The following SIPA1L2 variants were observed in gnomAD, a reference collection of about 807,000 sequenced individuals.
SIPA1L2 encodes signal-induced proliferation-associated 1-like protein 2.
Under a neutral mutation model 163.9 loss-of-function variants are expected in SIPA1L2, and 56 were observed. The ratio of observed to expected loss-of-function variants is 0.34; its 90% CI spans 0.28 to 0.43. SIPA1L2 has a LOEUF of 0.43. Ranked by LOEUF, SIPA1L2 falls within the 20% of genes least tolerant of loss-of-function variation. SIPA1L2 has a pLI of 1.00. For synonymous variants in SIPA1L2, 877 were observed against 865.7 expected (o/e 1.01, Z -0.23); for missense variants, 1,974 against 2,193.5 (o/e 0.90, Z 2.00).
chr1:232,411,075 T>C (rs749838306), intron 19 of SIPA1L2, among the ~76,000 whole-genome samples: 4 of 152,358 alleles, frequency 2.6e-5, no homozygotes, highest in East Asian at 3.9e-4. Context: ...AGTGTGTATG[T>C]GCTACAGTGA....
intron 1 of SIPA1L2, among the ~76,000 whole-genome samples, chr1:232,576,756 C>T (rs1660100531): frequency 6.6e-6 from 1 of 152,124 alleles, no homozygotes; most frequent in South Asian, 2.1e-4. Context: ...TCAGTGAACA[C>T]ACAAATGATA....
intron 1 of SIPA1L2, among the ~76,000 whole-genome samples, chr1:232,609,036 T>C (rs1029708528): frequency 1.6e-4 from 24 of 152,256 alleles, no homozygotes; most frequent in Non-Finnish European, 2.2e-4. Flanking sequence ...AATAGTTTGT[T>C]TTCCACAATT....
chr1:232,597,481 T>A (rs1445273304), intron 1 of SIPA1L2, among the ~76,000 whole-genome samples: 18 of 146,668 alleles, frequency 1.2e-4, no homozygotes, highest in East Asian at 4.0e-4. Context: ...ATCGAGACCA[T>A]CCTGGCTAAC....
At position 232,404,843 on chromosome 1, in the gene SIPA1L2, A is replaced by G. The variant is rs12047599; in HGVS notation, c.4763-665T>C. ...TCTATTCCATGATCAATTCACCCTC[A>G]TTCCCTGGAGTCTCTCTGCTTGGTT... is the stretch of plus-strand genomic sequence containing the variant. On this transcript the variant is annotated intron_variant, in intron 19 of 22. Coordinates refer to ENST00000674635, the MANE Select transcript of SIPA1L2 (RefSeq NM_020808.5). Among the ~76,000 whole-genome samples the G allele has an allele frequency of 0.034, 5,218 of 152,188 alleles. 733 individuals are homozygous for G. The East Asian group carries it at 0.48, about 14-fold the overall frequency.
chr1:232,581,916 T>C (rs985133233), intron 1 of SIPA1L2, among the ~76,000 whole-genome samples: 1 of 152,198 alleles, frequency 6.6e-6, no homozygotes, highest in Non-Finnish European at 1.5e-5. Context: ...ACTTCCTAGA[T>C]AGAAAAGTGT....
chr1:232,468,200 T>G (rs1664620057), intron 8 of SIPA1L2, among the ~76,000 whole-genome samples: 2 of 152,338 alleles, frequency 1.3e-5, no homozygotes, highest in South Asian at 4.1e-4. Context: ...ATTCCCATTG[T>G]GTGGAAACGA....
chr1:232,454,216 C>A (rs1663757873), intron 10 of SIPA1L2, among the ~76,000 whole-genome samples: 1 of 152,086 alleles, frequency 6.6e-6, no homozygotes, highest in Non-Finnish European at 1.5e-5. Flanking sequence ...AACAGAGATA[C>A]CCAGAATAGG....
rs567235779 is a variant in SIPA1L2, at chr1:232,468,575, G to A, written c.2243+2796C>T. Among the ~76,000 whole-genome samples, 5 of 152,210 alleles carry A rather than the reference G, an allele frequency of 3.3e-5. No homozygotes were observed. The South Asian group carries it at 1.0e-3, about 32-fold the overall frequency. ...GATGATAGAAAATAATGCATGTAAA[G>A]CTTTTATTACCCAAATTGTTGCTGT... On this transcript the variant is annotated intron_variant, in intron 8 of 22. Coordinates refer to ENST00000674635, the MANE Select transcript of SIPA1L2 (RefSeq NM_020808.5).
chr1:232,415,618 G>A lies in SIPA1L2; in HGVS notation c.4638C>T (p.Phe1546=), dbSNP rs753051255. ...APSMGSLRNE[F]WFSDGSLSDK... is the part of the protein sequence containing the mutation. ...CTGATAAGGACCCATCGGAGAACCA[G>A]AACTCATCTAAACAGAAACAAAACC... Residue 1546 remains phenylalanine (F), a synonymous_variant, in exon 19 of 23, where the codon TTC becomes TTT. Coordinates refer to ENST00000674635, the MANE Select transcript of SIPA1L2 (RefSeq NM_020808.5). 3 of 1,614,036 alleles carry A rather than the reference G, an allele frequency of 1.9e-6. No individual in the cohort carries two copies. The highest frequency in any genetic ancestry group is 1.7e-6 in the Non-Finnish European group (2 of 1,179,984).
intron 2 of SIPA1L2, among the ~76,000 whole-genome samples, chr1:232,568,338 A>C (rs1659522344): frequency 6.6e-6 from 1 of 152,192 alleles, no homozygotes; most frequent in South Asian, 2.1e-4. Context: ...AACTGAGTTG[A>C]ATTAGAAGAC....
Position 232,443,695 on chromosome 1 carries a change from T to C in SIPA1L2, c.3354-10A>G. On this transcript the variant is annotated splice_polypyrimidine_tract_variant and intron_variant, in intron 11 of 22. Coordinates refer to ENST00000674635, the MANE Select transcript of SIPA1L2 (RefSeq NM_020808.5). ...GTTGCTGGGTGAGCTTCTGAAAGGT[T>C]GAGTAGAATCATTAACAGGGCACTG... 7 of 1,605,300 alleles carry C rather than the reference T, an allele frequency of 4.4e-6. No homozygotes were observed. The highest frequency in any genetic ancestry group is 5.1e-6 in the Non-Finnish European group (6 of 1,175,852).
At chr1:232,404,059 G>A (rs1356407019) in intron 20 of SIPA1L2, 66 bp downstream of exon 20, 1 of 1,569,478 alleles carries the variant, frequency 6.4e-7, no homozygotes, top group Non-Finnish European at 8.8e-7. Context: ...CAGACGTGCA[G>A]ACACATGAAA....
chr1:232,403,263 C>A (rs746217044), intron 21 of SIPA1L2, among the ~76,000 whole-genome samples, 185 bp downstream of exon 21: 5 of 152,204 alleles, frequency 3.3e-5, no homozygotes, highest in African/African-American at 4.8e-5. Flanking sequence ...CAGCCAAGAG[C>A]GGTCTCCCAC....
intron 3 of SIPA1L2, among the ~76,000 whole-genome samples, chr1:232,513,646 ACCC>A (rs1422887978): frequency 6.6e-6 from 1 of 152,200 alleles, no homozygotes; most frequent in Non-Finnish European, 1.5e-5. Flanking sequence ...ATTAAGGACT[ACCC>A]ATAAACAAAG....
At chr1:232,573,483 G>C (rs1659913876) in intron 2 of SIPA1L2, among the ~76,000 whole-genome samples, 1 of 152,190 alleles carries the variant, frequency 6.6e-6, no homozygotes, top group Admixed American at 6.5e-5. Flanking sequence ...CACAGACTGA[G>C]AGGAAAGGAT....
intron 1 of SIPA1L2, among the ~76,000 whole-genome samples, chr1:232,622,209 T>C (rs1403927401): frequency 6.6e-6 from 1 of 152,226 alleles, no homozygotes; most frequent in African/African-American, 2.4e-5. Context: ...GACATCCCTC[T>C]AATGTCATAT....
At chr1:232,477,275 C>A (rs1474961559) in intron 7 of SIPA1L2, among the ~76,000 whole-genome samples, 2 of 152,118 alleles carry the variant, frequency 1.3e-5, no homozygotes, top group African/African-American at 4.8e-5. Context: ...AAATAAAATG[C>A]AAATTAGGTC....
chr1:232,616,764 C>T (rs1662521703), intron 1 of SIPA1L2, among the ~76,000 whole-genome samples: 1 of 152,222 alleles, frequency 6.6e-6, no homozygotes, highest in Non-Finnish European at 1.5e-5. Flanking sequence ...ATTCCACATG[C>T]AAAACCACCA....
chr1:232,478,379 G>A (rs1208526278), intron 7 of SIPA1L2, among the ~76,000 whole-genome samples: 3 of 152,162 alleles, frequency 2.0e-5, no homozygotes, highest in Admixed American at 6.5e-5. Flanking sequence ...GGGGGTCAGA[G>A]GCCTGCTTTC....
Sources: gnomAD v4.1 joint callset for allele counts (sites outside exome capture counted in the v4.1 genomes callset) on GRCh38, gnomAD v4.1.1 for gene constraint, MANE v1.5 for transcripts, NCBI Gene and HGNC (gene_info 2026-07-23, HGNC 2026-07-21) for gene names.